MAD1L1: variants seen among roughly 807,000 people sequenced by gnomAD.
MAD1L1 encodes mitotic spindle assembly checkpoint protein MAD1.
In MAD1L1, 95 loss-of-function variants were observed where a neutral mutation model predicts 96.9. The observed-to-expected ratio is 0.98, with a 90% CI of 0.83 to 1.16. MAD1L1 has a LOEUF of 1.16. Ranked by LOEUF, MAD1L1 falls within the 50% of genes most tolerant of loss-of-function variation. MAD1L1 has a pLI of 0.00. For missense variants in MAD1L1, 1,007 were observed against 954.4 expected (o/e 1.06, Z -0.73); for synonymous variants, 473 against 396.6 (o/e 1.19, Z -2.29).
chr7:2,205,048 T>G (rs913176673), intron 10 of MAD1L1, among the ~76,000 whole-genome samples: 1 of 151,372 alleles, frequency 6.6e-6, no homozygotes, highest in Non-Finnish European at 1.5e-5. Flanking sequence ...TCTACATTAC[T>G]GACTCCACCT....
At chr7:2,029,746 T>C (rs1783136990) in intron 12 of MAD1L1, among the ~76,000 whole-genome samples, 1 of 151,816 alleles carries the variant, frequency 6.6e-6, no homozygotes. Flanking sequence ...CGGTGGGAGT[T>C]GGTGGCAGGC....
At chr7:1,846,208 C>T (rs1783613005) in intron 18 of MAD1L1, 1 of 152,602 alleles carries the variant, frequency 6.6e-6, no homozygotes, top group South Asian at 2.1e-4. Context: ...CCCGCAGGGC[C>T]AGGGGCTGGT....
chr7:2,015,866 G>C (rs1180082934), intron 12 of MAD1L1, among the ~76,000 whole-genome samples: 3 of 152,222 alleles, frequency 2.0e-5, no homozygotes, highest in Non-Finnish European at 4.4e-5. Flanking sequence ...TCTAACATGT[G>C]CCCCAGGGAC....
chr7:2,203,086 C>T (rs1480245676), intron 10 of MAD1L1, among the ~76,000 whole-genome samples: 5 of 152,182 alleles, frequency 3.3e-5, no homozygotes, highest in African/African-American at 1.2e-4. Context: ...CAGGCCTGCC[C>T]TTGCTGACGG....
intron 15 of MAD1L1, among the ~76,000 whole-genome samples, chr7:1,964,877 G>A (rs1291451980): frequency 6.6e-6 from 1 of 152,176 alleles, no homozygotes; most frequent in African/African-American, 2.4e-5. Flanking sequence ...CCGCAGGTGA[G>A]GCTCCTGGGG....
intron 11 of MAD1L1, among the ~76,000 whole-genome samples, chr7:2,112,578 A>C (rs893761745): frequency 2.6e-5 from 4 of 152,258 alleles, no homozygotes; most frequent in Non-Finnish European, 5.9e-5. Context: ...TGGATGGGTA[A>C]GTAAAACATG....
chr7:2,224,038 T>C (rs541961368), intron 4 of MAD1L1, among the ~76,000 whole-genome samples: 2 of 152,130 alleles, frequency 1.3e-5, no homozygotes, highest in African/African-American at 2.4e-5. Flanking sequence ...CAAGACAGGG[T>C]TCCCGGAGAC....
chr7:1,992,816 C>T (rs1330937163), intron 14 of MAD1L1, among the ~76,000 whole-genome samples: 4 of 152,094 alleles, frequency 2.6e-5, no homozygotes, highest in Non-Finnish European at 4.4e-5. Flanking sequence ...GGCTCTACGT[C>T]AGGGAGGCAG....
At chr7:2,102,736 A>C (rs1786878262) in intron 11 of MAD1L1, among the ~76,000 whole-genome samples, 1 of 149,594 alleles carries the variant, frequency 6.7e-6, no homozygotes, top group South Asian at 2.2e-4. Flanking sequence ...CCCCACCATC[A>C]CCACTGTCAC....
chr7:1,882,021 G>C (rs1056165856), intron 18 of MAD1L1, among the ~76,000 whole-genome samples: 24 of 152,312 alleles, frequency 1.6e-4, no homozygotes, highest in African/African-American at 5.8e-4. Flanking sequence ...CCCTCTCTAA[G>C]GGACCGAGAA....
intron 18 of MAD1L1, among the ~76,000 whole-genome samples, chr7:1,858,186 C>T (rs572421238): frequency 1.3e-5 from 2 of 152,312 alleles, no homozygotes; most frequent in Admixed American, 6.5e-5. Context: ...TCATCACTGG[C>T]GCGCCCGTCG....
At chr7:1,845,301 A>G (rs62435127) in intron 18 of MAD1L1, 25,665 of 152,284 alleles carry the variant, frequency 0.17, 2,625 homozygotes, top group South Asian at 0.29. Flanking sequence ...CAGAATGTCA[A>G]TGTGGGAGAG....
intron 13 of MAD1L1, among the ~76,000 whole-genome samples, chr7:2,008,120 T>C (rs2128494990): frequency 6.6e-6 from 1 of 152,212 alleles, no homozygotes; most frequent in South Asian, 2.1e-4. Context: ...TTTTACTGAG[T>C]ATAAATCATA....
chr7:2,116,468 G>A (rs1459546461), intron 11 of MAD1L1, among the ~76,000 whole-genome samples: 1 of 149,696 alleles, frequency 6.7e-6, no homozygotes, highest in African/African-American at 2.5e-5. Context: ...CAGCGCAGAC[G>A]ATGAATGCCA....
intron 10 of MAD1L1, among the ~76,000 whole-genome samples, chr7:2,152,974 G>T (rs1346470488): frequency 1.3e-5 from 2 of 152,142 alleles, no homozygotes; most frequent in African/African-American, 4.8e-5. Context: ...GTGAAATTTT[G>T]TATACCCTTT....
intron 11 of MAD1L1, among the ~76,000 whole-genome samples, chr7:2,080,729 T>G (rs3800878): frequency 0.66 from 100,257 of 152,034 alleles, 33,239 homozygotes; most frequent in South Asian, 0.77. Context: ...TGCATTCAGA[T>G]GAGGTGCGGA....
chr7:1,956,423 C>T (rs550415527), intron 16 of MAD1L1, among the ~76,000 whole-genome samples: 1 of 152,296 alleles, frequency 6.6e-6, no homozygotes, highest in African/African-American at 2.4e-5. Context: ...GGAACAGCTC[C>T]TGAATCCTGG....
At chr7:2,205,793 T>C (rs1792569597) in intron 10 of MAD1L1, among the ~76,000 whole-genome samples, 1 of 152,232 alleles carries the variant, frequency 6.6e-6, no homozygotes, top group South Asian at 2.1e-4. Flanking sequence ...GTTGACCATC[T>C]TTTCATGTCC....
intron 15 of MAD1L1, among the ~76,000 whole-genome samples, chr7:1,959,913 G>C (rs57009463): frequency 6.6e-6 from 1 of 152,146 alleles, no homozygotes; most frequent in African/African-American, 2.4e-5. Flanking sequence ...TTACATTCAG[G>C]TCTCTTAAAA....
Sources: allele counts gnomAD v4.1 joint callset (sites outside exome capture counted in the v4.1 genomes callset), GRCh38; gene constraint gnomAD v4.1.1; transcripts MANE v1.5; gene names NCBI Gene and HGNC (gene_info 2026-07-23, HGNC 2026-07-21).